Variants in LRIG2 observed in about 807,000 individuals in gnomAD.
The protein encoded by LRIG2 is leucine-rich repeats and immunoglobulin-like domains protein 2.
In LRIG2, 93 loss-of-function variants were observed where a neutral mutation model predicts 107.8. The observed-to-expected ratio is 0.86, with a 90% confidence interval of 0.73 to 1.03. LRIG2 has a LOEUF of 1.03. Ranked by LOEUF, LRIG2 falls within the 50% of genes least tolerant of loss-of-function variation. The pLI is 0.00. For synonymous variants in LRIG2, 471 were observed against 470.6 expected, an observed-to-expected ratio of 1.00 and a Z score of -0.01; for missense variants, 1,226 against 1,296.0, an observed-to-expected ratio of 0.95 and a Z score of 0.83.
intron 11 of LRIG2, chr1:113,100,740 CA>C (rs1654272278): frequency 3.1e-6 from 1 of 325,862 alleles, no homozygotes; most frequent in African/African-American, 2.0e-5. Context: ...TAGGAGACCT[CA>C]GCACTGCTCC....
At chr1:113,108,950 T>C (rs1366537818) in intron 12 of LRIG2, among the ~76,000 whole-genome samples, 2 of 152,190 alleles carry the variant, frequency 1.3e-5, no homozygotes, top group East Asian at 3.9e-4. Flanking sequence ...TTTAGATCAG[T>C]GTATCTATGT....
chr1:113,123,873 A>G lies in LRIG2; in HGVS notation c.2972-2A>G, dbSNP rs756375794. On this transcript the variant is annotated splice_acceptor_variant, in intron 17 of 17. Coordinates refer to ENST00000361127, the MANE Select transcript of LRIG2 (RefSeq NM_014813.3). LOFTEE classifies it high-confidence loss of function. ...CTGATAATTCTTGTCTTTCATTCTCAGAAACATTGCAGCGGCCCGTGTGGA... is the reference window on the plus strand; with the variant it reads ...CTGATAATTCTTGTCTTTCATTCTCGGAAACATTGCAGCGGCCCGTGTGGA... The G allele has an allele frequency of 4.3e-6, 7 of 1,613,418 alleles. 1 individual carries two copies. In the South Asian group the frequency reaches 7.7e-5, roughly 18 times the overall value.
chr1:113,085,631 T>A (rs1653514706), intron 1 of LRIG2, among the ~76,000 whole-genome samples: 1 of 152,200 alleles, frequency 6.6e-6, no homozygotes, highest in Non-Finnish European at 1.5e-5. Flanking sequence ...GCTAGCCATT[T>A]CTAGTTCAAC....
chr1:113,115,508 A>G (rs1014190042), intron 15 of LRIG2, among the ~76,000 whole-genome samples: 3 of 147,774 alleles, frequency 2.0e-5, no homozygotes, highest in Non-Finnish European at 3.0e-5. Context: ...ACTGCGTCTG[A>G]CCAATTTTAA....
rs1655061678 is a variant in LRIG2, at chr1:113,117,271, T to C, written c.2680+835T>C. ...GTTACTTAAGATCTGAGCTTTACTT[T>C]TCTAATTTTTAAATAAAGAGACAAT... On this transcript the variant is annotated intron_variant, in intron 16 of 17. Coordinates refer to ENST00000361127, the MANE Select transcript of LRIG2 (RefSeq NM_014813.3). 2.0e-5 allele frequency among the ~76,000 whole-genome samples: 3 copies of C among 152,192 alleles called. No homozygotes were observed. The South Asian group carries it at 6.2e-4, about 31-fold the overall frequency.
At position 113,119,531 on chromosome 1, in the gene LRIG2, A is replaced by G. The variant is rs747919495; in HGVS notation, c.2971+8A>G. The G allele has an allele frequency of 1.2e-6, 2 of 1,609,936 alleles. No homozygotes were observed. Among genetic ancestry groups the G allele is most frequent in the East Asian group, 2.2e-5 (1 of 44,770 alleles). ...CCACACAGATGAGCGGTGGTAAGGG[A>G]TGTATTTTTGTTGTTATTTTGTTTT... On this transcript the variant is annotated splice_region_variant and intron_variant, in intron 17 of 17. Coordinates refer to ENST00000361127, the MANE Select transcript of LRIG2 (RefSeq NM_014813.3).
intron 17 of LRIG2, among the ~76,000 whole-genome samples, chr1:113,121,890 T>C (rs1655272141): frequency 6.6e-6 from 1 of 152,034 alleles, no homozygotes; most frequent in South Asian, 2.1e-4. Context: ...TACAGGATCA[T>C]GCTTTTGATT....
rs1570761665 is a variant in LRIG2, at chr1:113,110,432, A to C, written c.1668A>C (p.Gly556=). 6.2e-7 allele frequency: 1 copy of C among 1,614,050 alleles called. No individual in the cohort carries two copies. Among genetic ancestry groups the C allele is most frequent in the Non-Finnish European group, 8.5e-7 (1 of 1,180,006 alleles). ...ENFVRYWQQA[G]EALEYTSILH... is the part of the protein sequence containing the mutation. Reference sequence around the variant, plus strand: ...TTGTTCGTTATTGGCAGCAAGCTGGAGAAGCTCTGGAATATACTAGTATCT... The same window carrying C: ...TTGTTCGTTATTGGCAGCAAGCTGGCGAAGCTCTGGAATATACTAGTATCT... The change falls in exon 13 of 18, where the codon GGA becomes GGC. Residue 556 remains glycine (G), a synonymous_variant. Coordinates refer to ENST00000361127, the MANE Select transcript of LRIG2 (RefSeq NM_014813.3).
intron 1 of LRIG2, among the ~76,000 whole-genome samples, chr1:113,075,109 C>T (rs968304538): frequency 1.4e-5 from 2 of 147,378 alleles, no homozygotes; most frequent in South Asian, 4.3e-4. Context: ...ACTAGCTACA[C>T]CCTGAGGCAG....
At chr1:113,116,826 A>C (rs1570771615) in intron 16 of LRIG2, among the ~76,000 whole-genome samples, 2 of 152,186 alleles carry the variant, frequency 1.3e-5, no homozygotes, top group Admixed American at 6.5e-5. Flanking sequence ...TTTAAAGGGT[A>C]GCTAGGAGCC....
intron 9 of LRIG2, 124 bp from the exon 10 acceptor site, chr1:113,100,087 A>G (rs1481458924): frequency 1.6e-5 from 8 of 515,870 alleles, no homozygotes; most frequent in African/African-American, 1.5e-4. Context: ...ATTGTACCTC[A>G]GTAAAGCTGT....
chr1:113,080,619 C>T (rs967773760), intron 1 of LRIG2, among the ~76,000 whole-genome samples: 3 of 148,156 alleles, frequency 2.0e-5, no homozygotes, highest in African/African-American at 7.5e-5. Flanking sequence ...ACCTCATGAT[C>T]CACCCGTCTC....
rs1292945344 is a variant in LRIG2, at chr1:113,095,921, A to G, written c.851A>G (p.Tyr284Cys). Residue 284 changes from tyrosine to cysteine, a missense_variant, in exon 7 of 18, where the codon TAT (tyrosine) becomes TGT (cysteine). Transcript: ENST00000361127. The part of the protein sequence containing the change: ...NLTRVNKGWL[Y>C]GLRMLQQLYV... ...ACACGAGTAAACAAGGGGTGGTTGT[A>G]TGGCTTGCGAATGTTACAGCAGCTC... The G allele has an allele frequency of 1.2e-6, 2 of 1,614,092 alleles. No individual in the cohort carries two copies. The highest frequency in any genetic ancestry group is 1.7e-5 in the Admixed American group (1 of 60,004).
Position 113,094,710 on chromosome 1 carries a change from A to G in LRIG2, c.758A>G (p.Lys253Arg), listed in dbSNP as rs758008108. ...SLKMQRNGIS[K>R]LKDGAFFGLN... ...AAAATGCAGCGGAATGGAATTAGCAAACTTAAGGATGGAGCATTTTTTGGC... is the reference window on the plus strand; with the variant it reads ...AAAATGCAGCGGAATGGAATTAGCAGACTTAAGGATGGAGCATTTTTTGGC... The change falls in exon 6 of 18, where the codon AAA (lysine) becomes AGA (arginine). Residue 253 changes from lysine (K) to arginine (R), a missense_variant. By Grantham distance (26) the Lys-to-Arg change is conservative. Around this residue, in one of 3 missense-constraint regions of LRIG2, gnomAD observed 570 missense variants for 550.2 expected, o/e 1.04. Coordinates refer to ENST00000361127, the MANE Select transcript of LRIG2 (RefSeq NM_014813.3). 3.7e-6 allele frequency: 6 copies of G among 1,613,926 alleles called. No individual in the cohort carries two copies. Among genetic ancestry groups the G allele is most frequent in the South Asian group, 2.2e-5 (2 of 91,086 alleles).
At chr1:113,094,133 C>G (rs769090847) in intron 4 of LRIG2, among the ~76,000 whole-genome samples, 11 of 152,172 alleles carry the variant, frequency 7.2e-5, no homozygotes, top group Non-Finnish European at 8.8e-5. Flanking sequence ...CATATTCACA[C>G]ATGCTGTTTT....
intron 1 of LRIG2, 36 bp downstream of exon 1, chr1:113,073,681 G>A (rs1652819313): frequency 6.3e-7 from 1 of 1,580,056 alleles, no homozygotes; most frequent in Non-Finnish European, 8.6e-7. Flanking sequence ...ACCAAAAGGA[G>A]GGGGAGCCTT....
rs114836864 is a variant in LRIG2, at chr1:113,117,510, G to A, written c.2680+1074G>A. Among the ~76,000 whole-genome samples the A allele has an allele frequency of 6.2e-3, 942 of 152,168 alleles. 12 individuals carry two copies. The highest frequency in any genetic ancestry group is 0.021 in the African/African-American group (883 of 41,512). ...CTCTTTTTTTTGTTTTTGAGAAAGC[G>A]TCTCATTCTGTTACCCAGGCTGGAG... On this transcript the variant is annotated intron_variant, in intron 16 of 17. Transcript: ENST00000361127.
At chr1:113,096,424 C>G in intron 8 of LRIG2, 59 bp downstream of exon 8, 1 of 1,533,400 alleles carries the variant, frequency 6.5e-7, no homozygotes, top group Non-Finnish European at 8.9e-7. Flanking sequence ...TACAATAAAG[C>G]AAATTAATTA....
chr1:113,116,358 G>A lies in LRIG2; in HGVS notation c.2602G>A (p.Gly868Ser). 1.2e-6 allele frequency: 2 copies of A among 1,614,038 alleles called. No individual in the cohort carries two copies. The highest frequency in any genetic ancestry group is 1.7e-6 in the Non-Finnish European group (2 of 1,179,964). The change falls in exon 16 of 18, where the codon GGC (glycine) becomes AGC (serine). Residue 868 changes from glycine (G) to serine (S), a missense_variant. Coordinates refer to ENST00000361127, the MANE Select transcript of LRIG2 (RefSeq NM_014813.3). ...AGGAACGCTGTCTGAGCCACAGGAA[G>A]GCTACAGCAACTCTGAGGCAGGCAG... ...SQGTLSEPQEGYSNSEAGSHQ... is the reference protein window; with the variant it reads ...SQGTLSEPQESYSNSEAGSHQ...
Sources: allele counts gnomAD v4.1 joint callset (sites outside exome capture counted in the v4.1 genomes callset), GRCh38; gene constraint gnomAD v4.1.1; regional missense constraint gnomAD v4.1.1; transcripts MANE v1.5; gene names NCBI Gene and HGNC (gene_info 2026-07-23, HGNC 2026-07-21).